Variants in ZSWIM5 observed in about 807,000 individuals in gnomAD.
ZSWIM5 encodes the protein zinc finger SWIM-type containing 5, also known as zinc finger SWIM domain-containing protein 5.
ZSWIM5 carries 55 observed loss-of-function variants against 119.6 expected under a neutral mutation model. That is an observed-to-expected ratio of 0.46 (90% confidence interval 0.37 to 0.58). The LOEUF (loss-of-function observed/expected upper bound fraction) is 0.58. Ranked by LOEUF, ZSWIM5 falls within the 20% of genes least tolerant of loss-of-function variation. ZSWIM5 has a pLI of 0.00. For synonymous variants in ZSWIM5, 537 were observed against 606.9 expected (o/e 0.88, Z 1.69); for missense variants, 1,193 against 1,512.8 (o/e 0.79, Z 3.51).
At chr1:45,117,888 A>G (rs1645568327) in intron 1 of ZSWIM5, among the ~76,000 whole-genome samples, 1 of 152,234 alleles carries the variant, frequency 6.6e-6, no homozygotes, top group African/African-American at 2.4e-5. Flanking sequence ...GCAGGTGTCA[A>G]TCATTCAGGT....
At chr1:45,077,551 C>T (rs926822603) in intron 2 of ZSWIM5, among the ~76,000 whole-genome samples, 3 of 152,092 alleles carry the variant, frequency 2.0e-5, no homozygotes, top group East Asian at 1.9e-4. Flanking sequence ...AGGACTGAGG[C>T]GAAATTAAAA....
chr1:45,146,424 T>C (rs1645760382), intron 1 of ZSWIM5, among the ~76,000 whole-genome samples: 1 of 148,922 alleles, frequency 6.7e-6, no homozygotes, highest in Admixed American at 6.7e-5. Context: ...AAGTATCTGT[T>C]TCTAGACTTT....
In ZSWIM5 at chr1:45,206,060, G is replaced by A; in HGVS notation, c.291C>T (p.Ile97=). The stretch of plus-strand genomic sequence containing the variant: ...CATTCCGCGGGAAGGACCAGTAGAC[G>A]ATGCGGCGCTGCACGGGCTCCGGGA... ...ERIPEPVQRR[I]VYWSFPRNER... The change falls in exon 1 of 14, where the codon ATC becomes ATT. Residue 97 remains isoleucine (I), a synonymous_variant. Transcript: ENST00000359600. The A allele has an allele frequency of 6.2e-7, 1 of 1,611,094 alleles. No individual in the cohort carries two copies.
At chr1:45,058,863 A>G (rs1645137840) in intron 3 of ZSWIM5, 104 bp from the exon 4 acceptor site, 2 of 1,324,982 alleles carry the variant, frequency 1.5e-6, no homozygotes, top group Non-Finnish European at 2.1e-6. Flanking sequence ...ATCTGAGTAC[A>G]CCATATCCAA....
At chr1:45,029,279 T>A (rs1416048845) in intron 11 of ZSWIM5, among the ~76,000 whole-genome samples, 1 of 152,230 alleles carries the variant, frequency 6.6e-6, no homozygotes, top group Non-Finnish European at 1.5e-5. Context: ...TTTGGAAAAA[T>A]TTCCCCATCT....
intron 6 of ZSWIM5, among the ~76,000 whole-genome samples, chr1:45,042,959 T>C (rs1645024993): frequency 6.6e-6 from 1 of 152,228 alleles, no homozygotes; most frequent in African/African-American, 2.4e-5. Context: ...TAATGCTCTT[T>C]GAGATGCATT....
intron 1 of ZSWIM5, among the ~76,000 whole-genome samples, chr1:45,170,005 A>G (rs1484153585): frequency 6.6e-6 from 1 of 152,060 alleles, no homozygotes; most frequent in African/African-American, 2.4e-5. Context: ...GTGTGTGTAA[A>G]TTGCTATTTT....
chr1:45,202,017 A>G (rs982600420), intron 1 of ZSWIM5, among the ~76,000 whole-genome samples: 27 of 152,254 alleles, frequency 1.8e-4, no homozygotes, highest in Non-Finnish European at 3.5e-4. Context: ...GGGTGGAGGG[A>G]GAGAACTCAT....
chr1:45,182,839 C>T (rs1570192617), intron 1 of ZSWIM5, among the ~76,000 whole-genome samples: 1 of 152,206 alleles, frequency 6.6e-6, no homozygotes, highest in South Asian at 2.1e-4. Flanking sequence ...GACAGATCAA[C>T]AAGACAGAAA....
At chr1:45,121,061 T>C (rs1171387752) in intron 1 of ZSWIM5, among the ~76,000 whole-genome samples, 1 of 152,124 alleles carries the variant, frequency 6.6e-6, no homozygotes, top group Non-Finnish European at 1.5e-5. Flanking sequence ...GCCATTCTCC[T>C]GCCTTAGCCT....
chr1:45,094,570 TAC>T, intron 1 of ZSWIM5, among the ~76,000 whole-genome samples: 1 of 151,866 alleles, frequency 6.6e-6, no homozygotes, highest in Non-Finnish European at 1.5e-5. Flanking sequence ...AACAAAAAAG[TAC>T]AGAGACAGGG....
chr1:45,065,602 A>G (rs1250934149), intron 2 of ZSWIM5, among the ~76,000 whole-genome samples: 2 of 152,194 alleles, frequency 1.3e-5, no homozygotes, highest in South Asian at 2.1e-4. Flanking sequence ...AACTTCACCT[A>G]AACTTCAAAA....
chr1:45,066,230 G>A (rs1645183131), intron 2 of ZSWIM5, among the ~76,000 whole-genome samples: 1 of 152,036 alleles, frequency 6.6e-6, no homozygotes, highest in African/African-American at 2.4e-5. Flanking sequence ...CCCCCCCATG[G>A]AGAATTTTCT....
At chr1:45,079,273 C>T (rs950318198) in intron 2 of ZSWIM5, among the ~76,000 whole-genome samples, 1 of 152,158 alleles carries the variant, frequency 6.6e-6, no homozygotes, top group Admixed American at 6.5e-5. Context: ...GGACTCAGCC[C>T]GCCTGCACCC....
chr1:45,083,325 A>C (rs1452119365), intron 2 of ZSWIM5, among the ~76,000 whole-genome samples: 1 of 151,922 alleles, frequency 6.6e-6, no homozygotes, highest in Non-Finnish European at 1.5e-5. Context: ...ATCACTGTTC[A>C]TTGCAGCCTT....
intron 1 of ZSWIM5, among the ~76,000 whole-genome samples, chr1:45,168,658 C>A (rs1486371059): frequency 7.4e-6 from 1 of 134,886 alleles, no homozygotes; most frequent in Non-Finnish European, 1.6e-5. Flanking sequence ...GAGTGAGACT[C>A]CATCTCAAAA....
In ZSWIM5 at chr1:45,088,427, G is replaced by C. The variant is rs1289114045; in HGVS notation, c.596-190C>G. Among the ~76,000 whole-genome samples the C allele has an allele frequency of 6.6e-6, 1 of 152,140 alleles. No individual in the cohort carries two copies. The highest frequency in any genetic ancestry group is 1.5e-5 in the Non-Finnish European group (1 of 68,028). The stretch of plus-strand genomic sequence containing the variant: ...CTGCTCTGAAGAAACACACAATATA[G>C]AAAGAGTCCTCACCCTGGAGTTCGT... On this transcript the variant is annotated intron_variant, in intron 1 of 13. Transcript: ENST00000359600. The surrounding 1 kb of genome is among the most constrained non-coding windows in gnomAD (Gnocchi z 4.2).
Position 45,206,392 on chromosome 1 carries a change from C to T in ZSWIM5, c.-42G>A. 1.5e-6 allele frequency: 2 copies of T among 1,349,612 alleles called. No homozygotes were observed. Among genetic ancestry groups the T allele is most frequent in the Middle Eastern group, 2.5e-4 (1 of 3,968 alleles). 83.6% of individuals were successfully genotyped at this position (1,349,612 alleles called of 1,614,324 possible). On this transcript the variant is annotated 5_prime_UTR_variant, in exon 1 of 14. Transcript: ENST00000359600. ...ACTGACTGAGGCGGCGGCGGCTGCT[C>T]GGGCTGCGGCGGAGACCCTGGCCAC...
chr1:45,165,184 A>C (rs546921888), intron 1 of ZSWIM5, among the ~76,000 whole-genome samples: 1 of 152,150 alleles, frequency 6.6e-6, no homozygotes. Context: ...GCTCGAGTAC[A>C]TGGAAACTAA....
Sources: allele counts gnomAD v4.1 joint callset (sites outside exome capture counted in the v4.1 genomes callset), GRCh38; gene constraint gnomAD v4.1.1; non-coding constraint Gnocchi (gnomAD v3.1); transcripts MANE v1.5; gene names NCBI Gene and HGNC (gene_info 2026-07-23, HGNC 2026-07-21).